The following USP33 variants were observed in gnomAD, a reference collection of about 807,000 sequenced individuals.
The protein encoded by USP33 is ubiquitin carboxyl-terminal hydrolase 33.
A neutral mutation model predicts 124.2 loss-of-function variants in USP33; 46 were observed. That is an observed-to-expected ratio of 0.37 (90% CI 0.29 to 0.47). The LOEUF is 0.47. Ranked by LOEUF, USP33 falls within the 20% of genes least tolerant of loss-of-function variation. The probability of loss-of-function intolerance (pLI) is 0.99; values close to 1 mark genes in which losing one functional copy is unlikely to be tolerated. For synonymous variants in USP33, 350 were observed against 352.3 expected (o/e 0.99, Z 0.07); for missense variants, 851 against 1,070.6 (o/e 0.79, Z 2.86).
intron 17 of USP33, 122 bp from the exon 18 acceptor site, chr1:77,715,990 A>AT (rs1001352558): frequency 2.2e-3 from 2,358 of 1,070,212 alleles, no homozygotes; most frequent in Middle Eastern, 3.3e-3. Context: ...TTATGCTTGT[A>AT]TTTTTTTTTC....
At chr1:77,751,651 G>GCCTT in intron 1 of USP33, among the ~76,000 whole-genome samples, 1 of 152,018 alleles carries the variant, frequency 6.6e-6, no homozygotes, top group Non-Finnish European at 1.5e-5. Context: ...ACAGAGCTAG[G>GCCTT]CCTTGTCTCA....
chr1:77,724,209 C>T (rs769316753), intron 11 of USP33, among the ~76,000 whole-genome samples: 1 of 152,178 alleles, frequency 6.6e-6, no homozygotes, highest in Non-Finnish European at 1.5e-5. Context: ...GAGAGCAATT[C>T]TGTTTTCACT....
At chr1:77,720,757 T>G (rs998467781) in intron 15 of USP33, among the ~76,000 whole-genome samples, 1 of 152,218 alleles carries the variant, frequency 6.6e-6, no homozygotes, top group African/African-American at 2.4e-5. Context: ...AAAATCAGAC[T>G]TTAGCTGTCT....
intron 7 of USP33, among the ~76,000 whole-genome samples, chr1:77,731,924 G>A (rs775220179): frequency 6.6e-5 from 10 of 151,818 alleles, no homozygotes; most frequent in Admixed American, 1.3e-4. Context: ...GCAACATAGC[G>A]AAAACCCATC....
chr1:77,736,271 T>C, intron 5 of USP33, 113 bp from the exon 6 acceptor site: 1 of 587,770 alleles, frequency 1.7e-6, no homozygotes, highest in East Asian at 3.1e-5. Context: ...GTTATTTTAA[T>C]AGTGGAACCA....
chr1:77,739,364 A>T lies in USP33; in HGVS notation c.252T>A (p.Tyr84Ter). The T allele has an allele frequency of 4.3e-6, 7 of 1,613,920 alleles. No individual in the cohort carries two copies. Among genetic ancestry groups the T allele is most frequent in the Non-Finnish European group, 5.9e-6 (7 of 1,179,928 alleles). ...VNLTTLRVWC[Y>*]ACSKEVFLDR... ...CCAAAAATACTTCTTTGCTGCAAGCATAACACCATACTCGAAGAGTGGTAA... is the reference window on the plus strand; with the variant it reads ...CCAAAAATACTTCTTTGCTGCAAGCTTAACACCATACTCGAAGAGTGGTAA... The change falls in exon 5 of 24, where the codon TAT (tyrosine) becomes TAA (stop). Residue 84 changes from tyrosine (Y) to a stop codon, truncating the protein, a stop_gained. Transcript: ENST00000370794. LOFTEE classifies it high-confidence loss of function.
chr1:77,701,589 G>A (rs1057404736), intron 21 of USP33, 118 bp from the exon 22 acceptor site: 6 of 772,186 alleles, frequency 7.8e-6, no homozygotes, highest in Non-Finnish European at 1.3e-5. Context: ...GAGGCAGGAG[G>A]AGTCCTTGAA....
At position 77,709,381 on chromosome 1, in the gene USP33, G is replaced by T. The variant is rs950127100; in HGVS notation, c.2406+2366C>A. Among the ~76,000 whole-genome samples the T allele has an allele frequency of 3.3e-5, 5 of 151,962 alleles. No homozygotes were observed. The East Asian group carries it at 7.7e-4, about 23-fold the overall frequency. ...ATTTTTTAAATTAGCTACACATGGT[G>T]GTGTGCATCTGTAGTCCTAGCTACT... On this transcript the variant is annotated intron_variant, in intron 21 of 23. Coordinates refer to ENST00000370794, the MANE Select transcript of USP33 (RefSeq NM_201624.3).
chr1:77,741,427 A>G lies in USP33; in HGVS notation c.84T>C (p.Gly28=). The G allele has an allele frequency of 6.2e-7, 1 of 1,608,496 alleles. No individual in the cohort carries two copies. The highest frequency in any genetic ancestry group is 8.5e-7 in the Non-Finnish European group (1 of 1,178,608). The part of the protein sequence containing the change: ...TKEDLIQKSL[G]TCQDCKVQGP... Reference sequence around the variant, plus strand: ...CTTGGACTTTACAATCCTGACAAGTACCCTATAAAAAGAAATTAAAAAGAC... The same window carrying G: ...CTTGGACTTTACAATCCTGACAAGTGCCCTATAAAAAGAAATTAAAAAGAC... Residue 28 remains glycine (G), a splice_region_variant and synonymous_variant, in exon 3 of 24, where the codon GGT becomes GGC. Coordinates refer to ENST00000370794, the MANE Select transcript of USP33 (RefSeq NM_201624.3).
At chr1:77,752,177 C>T (rs1680403431) in intron 1 of USP33, among the ~76,000 whole-genome samples, 1 of 151,544 alleles carries the variant, frequency 6.6e-6, no homozygotes, top group Non-Finnish European at 1.5e-5. Flanking sequence ...CACTCTGTCG[C>T]CCAGGCTGGA....
intron 22 of USP33, among the ~76,000 whole-genome samples, chr1:77,700,297 C>T (rs766775640): frequency 2.1e-4 from 32 of 152,136 alleles, no homozygotes; most frequent in Non-Finnish European, 4.0e-4. Context: ...GCAAGAGGAT[C>T]GCTGGAGCCC....
At chr1:77,743,871 C>T (rs1679413799) in intron 1 of USP33, among the ~76,000 whole-genome samples, 1 of 152,166 alleles carries the variant, frequency 6.6e-6, no homozygotes, top group African/African-American at 2.4e-5. Context: ...TGGCTCACCC[C>T]TGTAATCCCA....
intron 20 of USP33, among the ~76,000 whole-genome samples, chr1:77,712,081 G>C (rs1675325007): frequency 6.6e-6 from 1 of 151,976 alleles, no homozygotes; most frequent in Non-Finnish European, 1.5e-5. Context: ...CCTTATTTCT[G>C]CTCCAAAATG....
intron 4 of USP33, 57 bp from the exon 5 acceptor site, chr1:77,739,474 G>C (rs1678873481): frequency 5.4e-6 from 8 of 1,474,442 alleles, no homozygotes; most frequent in Non-Finnish European, 7.2e-6. Flanking sequence ...TACTTGAAAA[G>C]ACTTCTTCAA....
chr1:77,754,745 G>C (rs1250254970), intron 1 of USP33, among the ~76,000 whole-genome samples: 2 of 152,172 alleles, frequency 1.3e-5, no homozygotes, highest in African/African-American at 4.8e-5. Context: ...TAATTAATGA[G>C]AGCCTTAAGG....
chr1:77,702,052 G>C (rs1164577271), intron 21 of USP33, among the ~76,000 whole-genome samples: 2 of 145,094 alleles, frequency 1.4e-5, no homozygotes, highest in Non-Finnish European at 3.0e-5. Flanking sequence ...TGAGGTAGGA[G>C]GATTACTTGA....
Position 77,697,229 on chromosome 1 carries a change from T to A in USP33, c.*88A>T. 1 of 1,249,528 alleles carries A rather than the reference T, an allele frequency of 8.0e-7. No individual in the cohort carries two copies. The highest frequency in any genetic ancestry group is 2.0e-5 in the South Asian group (1 of 50,456). 77.4% of individuals were successfully genotyped at this position (1,249,528 alleles called of 1,614,324 possible). A position where few individuals can be genotyped will look rare whatever the true frequency, so the allele number is the denominator to read the frequency against. ...AAATGATGAAAAAAAATAAAGCAAA[T>A]AAACACGCTTTTAGGAATGTTTTCG... is the stretch of plus-strand genomic sequence containing the variant. On this transcript the variant is annotated 3_prime_UTR_variant, in exon 24 of 24. Transcript: ENST00000370794.
At chr1:77,746,421 G>A (rs571556444) in intron 1 of USP33, 6 of 152,306 alleles carry the variant, frequency 3.9e-5, no homozygotes, top group South Asian at 4.1e-4. Flanking sequence ...AGGACCAGAC[G>A]GATTCACAGC....
intron 6 of USP33, among the ~76,000 whole-genome samples, chr1:77,735,168 T>C (rs909156285): frequency 4.6e-5 from 7 of 151,948 alleles, no homozygotes; most frequent in Non-Finnish European, 8.8e-5. Context: ...GGTTGAACCA[T>C]AGGAAACTGC....
Sources: gnomAD v4.1 joint callset for allele counts (sites outside exome capture counted in the v4.1 genomes callset) on GRCh38, gnomAD v4.1.1 for gene constraint, MANE v1.5 for transcripts, NCBI Gene and HGNC (gene_info 2026-07-23, HGNC 2026-07-21) for gene names.